The following TEKT5 variants were observed in gnomAD, a reference collection of about 807,000 sequenced individuals.
TEKT5 encodes the protein tektin-5.
TEKT5 carries 52 observed loss-of-function variants against 48.7 expected under a neutral mutation model. The ratio of observed to expected loss-of-function variants is 1.07; its 90% CI spans 0.86 to 1.35. The LOEUF is 1.35. Ranked by LOEUF, TEKT5 falls within the 40% of genes most tolerant of loss-of-function variation. The pLI is 0.00. For missense variants in TEKT5, 831 were observed against 641.6 expected, an observed-to-expected ratio of 1.30 and a Z score of -3.19; for synonymous variants, 318 against 267.6, an observed-to-expected ratio of 1.19 and a Z score of -1.84.
chr16:10,685,312 C>A (rs1898843260), intron 3 of TEKT5, among the ~76,000 whole-genome samples: 1 of 151,974 alleles, frequency 6.6e-6, no homozygotes, highest in Admixed American at 6.6e-5. Context: ...CTCTCTCTCT[C>A]TTTTTTTGAG....
At chr16:10,686,104 G>A (rs1292547800) in intron 3 of TEKT5, among the ~76,000 whole-genome samples, 1 of 152,170 alleles carries the variant, frequency 6.6e-6, no homozygotes, top group Admixed American at 6.5e-5. Flanking sequence ...ATAACTGGAA[G>A]AAAGAACAGA....
chr16:10,681,043 A>T (rs1257571418), intron 4 of TEKT5, among the ~76,000 whole-genome samples: 2 of 58,840 alleles, frequency 3.4e-5, no homozygotes, highest in Middle Eastern at 8.8e-3. Flanking sequence ...GAAAAATACC[A>T]AAAAAAAAAA....
chr16:10,664,169 A>C (rs375960678), intron 5 of TEKT5, among the ~76,000 whole-genome samples: 1 of 152,182 alleles, frequency 6.6e-6, no homozygotes, highest in Admixed American at 6.5e-5. Flanking sequence ...CTAGAATGTA[A>C]GCCCCCTGAG....
At chr16:10,671,447 C>A (rs1165394029) in intron 5 of TEKT5, among the ~76,000 whole-genome samples, 3 of 152,216 alleles carry the variant, frequency 2.0e-5, no homozygotes, top group Non-Finnish European at 4.4e-5. Flanking sequence ...TGGAATATTA[C>A]TCTGACTTGA....
chr16:10,693,460 G>C (rs1899017098), intron 1 of TEKT5, among the ~76,000 whole-genome samples: 1 of 152,302 alleles, frequency 6.6e-6, no homozygotes. Context: ...GCTTCGCCCT[G>C]TCCTAGGCTG....
intron 5 of TEKT5, among the ~76,000 whole-genome samples, chr16:10,637,426 A>G (rs1897931344): frequency 6.6e-6 from 1 of 150,660 alleles, no homozygotes; most frequent in Non-Finnish European, 1.5e-5. Context: ...TAAGAATGCA[A>G]GAAGGGAGGG....
intron 6 of TEKT5, among the ~76,000 whole-genome samples, 190 bp downstream of exon 6, chr16:10,635,574 T>C (rs1897900445): frequency 6.6e-6 from 1 of 152,124 alleles, no homozygotes; most frequent in Non-Finnish European, 1.5e-5. Context: ...AGCCACGCAG[T>C]GGTACAGCCC....
At chr16:10,637,929 G>C (rs897000877) in intron 5 of TEKT5, among the ~76,000 whole-genome samples, 1 of 152,178 alleles carries the variant, frequency 6.6e-6, no homozygotes, top group Non-Finnish European at 1.5e-5. Context: ...TCCCGCCTCA[G>C]CCTGGCAAGT....
intron 5 of TEKT5, among the ~76,000 whole-genome samples, chr16:10,656,083 A>G (rs1898256752): frequency 6.6e-6 from 1 of 152,080 alleles, no homozygotes; most frequent in Non-Finnish European, 1.5e-5. Context: ...TGTGGAGGAG[A>G]CCGTCCTGTG....
Position 10,689,340 on chromosome 16 carries a change from C to T in TEKT5, c.649-17G>A. ...ATCCACTTCCTGAAATGAAAAATGT[C>T]AGAAAGAGCAGTGCCTCTTAGAACC... On this transcript the variant is annotated splice_polypyrimidine_tract_variant and intron_variant, in intron 2 of 6. Coordinates refer to ENST00000283025, the MANE Select transcript of TEKT5 (RefSeq NM_144674.2). 1 of 1,605,528 alleles carries T rather than the reference C, an allele frequency of 6.2e-7. No homozygotes were observed.
chr16:10,647,400 A>T (rs899827946), intron 5 of TEKT5, among the ~76,000 whole-genome samples: 4 of 150,372 alleles, frequency 2.7e-5, no homozygotes. Context: ...TAAGCCTGGG[A>T]TGTCGAGGCT....
chr16:10,656,735 C>G (rs1330074226), intron 5 of TEKT5, among the ~76,000 whole-genome samples: 1 of 152,128 alleles, frequency 6.6e-6, no homozygotes, highest in African/African-American at 2.4e-5. Flanking sequence ...TGGGTACATG[C>G]AAACTACTTT....
At chr16:10,630,389 C>A (rs1897822125) in intron 6 of TEKT5, among the ~76,000 whole-genome samples, 1 of 152,026 alleles carries the variant, frequency 6.6e-6, no homozygotes, top group Non-Finnish European at 1.5e-5. Context: ...GCAGGCACCA[C>A]CACACCTGGC....
At chr16:10,682,755 A>G (rs1264882784) in intron 3 of TEKT5, among the ~76,000 whole-genome samples, 4 of 152,228 alleles carry the variant, frequency 2.6e-5, no homozygotes, top group Non-Finnish European at 4.4e-5. Flanking sequence ...GCAGTCGCAG[A>G]TATGTAAAAA....
chr16:10,653,968 G>C (rs1267052323), intron 5 of TEKT5, among the ~76,000 whole-genome samples: 1 of 152,024 alleles, frequency 6.6e-6, no homozygotes, highest in Non-Finnish European at 1.5e-5. Context: ...AAGGTTACTG[G>C]GGGAACTAAG....
chr16:10,689,828 T>A, intron 2 of TEKT5, 114 bp downstream of exon 2: 1 of 1,012,858 alleles, frequency 9.9e-7, no homozygotes, highest in Admixed American at 2.3e-5. Flanking sequence ...GCCCTCACTT[T>A]CCACACAGTG....
At chr16:10,691,899 G>C (rs1047400274) in intron 1 of TEKT5, among the ~76,000 whole-genome samples, 1 of 145,808 alleles carries the variant, frequency 6.9e-6, no homozygotes, top group Non-Finnish European at 1.5e-5. Context: ...AGTGAGCCGA[G>C]ATCGCACCAC....
At chr16:10,692,974 T>G (rs1183482715) in intron 1 of TEKT5, 1 of 152,244 alleles carries the variant, frequency 6.6e-6, no homozygotes, top group Non-Finnish European at 1.5e-5. Context: ...GCTAAACCAC[T>G]ATCGTGGAGT....
At chr16:10,630,253 T>C (rs1449731949) in intron 6 of TEKT5, among the ~76,000 whole-genome samples, 2 of 151,882 alleles carry the variant, frequency 1.3e-5, no homozygotes, top group East Asian at 1.9e-4. Context: ...TTTTTTTTTT[T>C]TAGACCAGAT....
Sources: allele counts gnomAD v4.1 joint callset (sites outside exome capture counted in the v4.1 genomes callset), GRCh38; gene constraint gnomAD v4.1.1; transcripts MANE v1.5; gene names NCBI Gene and HGNC (gene_info 2026-07-23, HGNC 2026-07-21).